Variants in ZBTB46 observed in about 807,000 individuals in gnomAD.
The protein encoded by ZBTB46 is zinc finger and BTB domain containing 46, also known as zinc finger and BTB domain-containing protein 46.
In ZBTB46, 8 loss-of-function variants were observed where a neutral mutation model predicts 44.1. The observed-to-expected ratio is 0.18, with a 90% CI of 0.11 to 0.33. The LOEUF (loss-of-function observed/expected upper bound fraction) is 0.33, where lower values mean the gene tolerates loss of function less well. Ranked by LOEUF, ZBTB46 falls within the 10% of genes least tolerant of loss-of-function variation. The pLI is 1.00. For missense variants in ZBTB46, 651 were observed against 847.7 expected, an observed-to-expected ratio of 0.77 and a Z score of 2.88; for synonymous variants, 409 against 382.3, an observed-to-expected ratio of 1.07 and a Z score of -0.81.
chr20:63,794,155 C>T (rs2092583094), intron 1 of ZBTB46, among the ~76,000 whole-genome samples: 1 of 148,820 alleles, frequency 6.7e-6, no homozygotes, highest in South Asian at 2.1e-4. Context: ...CACTGCACTC[C>T]ATCCAGCCTG....
At position 63,803,217 on chromosome 20, in the gene ZBTB46, A is replaced by T. The variant is rs921367627; in HGVS notation, c.-33-12427T>A. ...CCCCCAGGGCGCCTCACCAGCAGGA[A>T]CCAGGCACCTCCCCTCACACCAAGG... On this transcript the variant is annotated intron_variant, in intron 1 of 4. Transcript: ENST00000245663. The surrounding 1 kb of genome is among the most constrained non-coding windows in gnomAD (Gnocchi z 4.0). The T allele has an allele frequency of 2.5e-6, 2 of 810,468 alleles. No individual in the cohort carries two copies. The highest frequency in any genetic ancestry group is 1.9e-5 in the African/African-American group (1 of 53,524). 50.2% of individuals were successfully genotyped at this position (810,468 alleles called of 1,614,324 possible). A position where few individuals can be genotyped will look rare whatever the true frequency, so the allele number is the denominator to read the frequency against.
In ZBTB46 at chr20:63,767,045, T is replaced by C. The variant is rs928446311; in HGVS notation, c.1222+8633A>G. Reference sequence around the variant, plus strand: ...ACCTGCTCTGAATAGAAAGCTGACATTGAACCTAACACGTCCGACGAGGAC... The same window carrying C: ...ACCTGCTCTGAATAGAAAGCTGACACTGAACCTAACACGTCCGACGAGGAC... On this transcript the variant is annotated intron_variant, in intron 3 of 4. Transcript: ENST00000245663. The surrounding 1 kb of genome is among the most constrained non-coding windows in gnomAD (Gnocchi z 5.0). 4.6e-5 allele frequency among the ~76,000 whole-genome samples: 7 copies of C among 152,192 alleles called. No individual in the cohort carries two copies. The highest frequency in any genetic ancestry group is 1.7e-4 in the African/African-American group (7 of 41,436).
At chr20:63,812,673 G>A (rs1294507239) in intron 1 of ZBTB46, among the ~76,000 whole-genome samples, 1 of 152,116 alleles carries the variant, frequency 6.6e-6, no homozygotes, top group East Asian at 1.9e-4. Context: ...CAACTACTCG[G>A]GAGGCTGAGG....
At chr20:63,777,699 C>T (rs888525673) in intron 2 of ZBTB46, among the ~76,000 whole-genome samples, 1 of 152,146 alleles carries the variant, frequency 6.6e-6, no homozygotes, top group Non-Finnish European at 1.5e-5. Context: ...GTCCAGGACG[C>T]GCGTAGCACG....
chr20:63,793,529 C>G (rs1223142841), intron 1 of ZBTB46, among the ~76,000 whole-genome samples: 1 of 152,208 alleles, frequency 6.6e-6, no homozygotes. Flanking sequence ...CACCCTGTAT[C>G]CAGGCTAGGA....
chr20:63,820,819 C>T (rs1268693232), intron 1 of ZBTB46, among the ~76,000 whole-genome samples: 2 of 152,108 alleles, frequency 1.3e-5, no homozygotes, highest in Non-Finnish European at 2.9e-5. Context: ...ATCTCTGCTT[C>T]CCAGGTTCAA....
chr20:63,826,171 G>A (rs2092818504), intron 1 of ZBTB46, among the ~76,000 whole-genome samples: 1 of 152,282 alleles, frequency 6.6e-6, no homozygotes, highest in African/African-American at 2.4e-5. Flanking sequence ...GTGGTTGGAA[G>A]AGATGATGTG....
At chr20:63,830,395 C>T (rs2092842498) in intron 1 of ZBTB46, among the ~76,000 whole-genome samples, 1 of 151,226 alleles carries the variant, frequency 6.6e-6, no homozygotes, top group African/African-American at 2.4e-5. Context: ...CGCGCCCCGT[C>T]CGCCCCGCGC....
intron 1 of ZBTB46, among the ~76,000 whole-genome samples, chr20:63,807,888 T>TC (rs1265011080): frequency 2.6e-5 from 4 of 152,092 alleles, no homozygotes; most frequent in African/African-American, 9.6e-5. Flanking sequence ...TGTGCCCAAG[T>TC]CCCCACCTTG....
chr20:63,797,201 G>A (rs985162162), intron 1 of ZBTB46, among the ~76,000 whole-genome samples: 2 of 130,204 alleles, frequency 1.5e-5, no homozygotes, highest in Non-Finnish European at 3.1e-5. Flanking sequence ...CCCACCCTGT[G>A]TCCAAGTGTT....
Position 63,765,105 on chromosome 20 carries a change from TTG to T in ZBTB46, c.1222+10571_1222+10572del, listed in dbSNP as rs1320451168. Among the ~76,000 whole-genome samples, 718 of 150,430 alleles carry T rather than the reference TTG, an allele frequency of 4.8e-3. 6 individuals carry two copies. Among genetic ancestry groups the T allele is most frequent in the African/African-American group, 0.015 (624 of 40,846 alleles). ...TGCATGTGTGCATGTGTATGTGTGG[TTG>T]TGTGTGTGTGTGCGTGTGTGTGTGT... On this transcript the variant is annotated intron_variant, in intron 3 of 4. Transcript: ENST00000245663.
At chr20:63,773,503 G>A (rs1417524776) in intron 3 of ZBTB46, among the ~76,000 whole-genome samples, 3 of 152,142 alleles carry the variant, frequency 2.0e-5, no homozygotes, top group Non-Finnish European at 4.4e-5. Flanking sequence ...GGAACTGGGT[G>A]TGTTGGGGTC....
At chr20:63,805,210 C>T (rs1350040199) in intron 1 of ZBTB46, among the ~76,000 whole-genome samples, 4 of 152,212 alleles carry the variant, frequency 2.6e-5, no homozygotes, top group Non-Finnish European at 5.9e-5. Flanking sequence ...TGAGCCACCA[C>T]GCCCGACCTA....
At chr20:63,813,447 CAA>C (rs35043743) in intron 1 of ZBTB46, among the ~76,000 whole-genome samples, 6 of 141,470 alleles carry the variant, frequency 4.2e-5, no homozygotes, top group South Asian at 2.2e-4. Flanking sequence ...GACTCCATCT[CAA>C]AAAAAAAAAA....
rs573137545 is a variant in ZBTB46 at position 63,807,216 on chromosome 20, C to A, written c.-33-16426G>T. On this transcript the variant is annotated intron_variant, in intron 1 of 4. Transcript: ENST00000245663. ...AGTTTATTGACTATTGATTCAATTT[C>A]TTTATTGAAATTGACTTTTCTTTTT... 7.2e-5 allele frequency among the ~76,000 whole-genome samples: 11 copies of A among 152,184 alleles called. No homozygotes were observed. The South Asian group carries it at 2.3e-3, about 32-fold the overall frequency.
intron 1 of ZBTB46, among the ~76,000 whole-genome samples, chr20:63,814,128 G>A (rs1468642421): frequency 6.6e-6 from 1 of 151,748 alleles, no homozygotes; most frequent in African/African-American, 2.4e-5. Flanking sequence ...AACTACTAGG[G>A]AGGCTGAGGC....
At chr20:63,775,566 G>A (rs916124256) in intron 3 of ZBTB46, 112 bp downstream of exon 3, 8 of 1,399,254 alleles carry the variant, frequency 5.7e-6, no homozygotes, top group East Asian at 2.4e-5. Flanking sequence ...GTCAGCAGGC[G>A]GCCGAGCAGC....
At chr20:63,764,449 A>G (rs1404343377) in intron 3 of ZBTB46, among the ~76,000 whole-genome samples, 1 of 151,784 alleles carries the variant, frequency 6.6e-6, no homozygotes, top group Non-Finnish European at 1.5e-5. Flanking sequence ...AAAAAAAAAA[A>G]TTGTGATGAA....
chr20:63,790,535 G>A lies in ZBTB46; in HGVS notation c.223C>T (p.Leu75=), dbSNP rs1183366012. The change falls in exon 2 of 5, where the codon CTG becomes TTG. Residue 75 remains leucine, a synonymous_variant. Transcript: ENST00000245663. The part of the protein sequence containing the change: ...KTSEQATVTH[L]DIVTAQGFKA... ...AAGCCCTGGGCCGTGACGATGTCCA[G>A]GTGCGTGACCGTGGCCTGCTCCGAC... is the stretch of plus-strand genomic sequence containing the variant. The A allele has an allele frequency of 3.1e-6, 5 of 1,612,988 alleles. No individual in the cohort carries two copies. The highest frequency in any genetic ancestry group is 4.2e-6 in the Non-Finnish European group (5 of 1,179,468).
Sources: gnomAD v4.1 joint callset for allele counts (sites outside exome capture counted in the v4.1 genomes callset) on GRCh38, gnomAD v4.1.1 for gene constraint, Gnocchi (gnomAD v3.1) non-coding constraint, MANE v1.5 for transcripts, NCBI Gene and HGNC (gene_info 2026-07-23, HGNC 2026-07-21) for gene names.